Variants in DNMT3B observed in about 807,000 individuals in gnomAD.
DNMT3B encodes the protein DNA (cytosine-5)-methyltransferase 3B.
In DNMT3B, 37 loss-of-function variants were observed where a neutral mutation model predicts 120.2. The ratio of observed to expected loss-of-function variants is 0.31; its 90% CI spans 0.24 to 0.40. DNMT3B has a LOEUF of 0.40. DNMT3B is among the 10% of genes least tolerant of loss of function. The pLI, the probability that DNMT3B is intolerant of heterozygous loss-of-function variation, is 1.00. For missense variants in DNMT3B, 878 were observed against 1,137.3 expected (o/e 0.77, Z 3.28); for synonymous variants, 412 against 442.8 (o/e 0.93, Z 0.87).
chr20:32,802,552 A>G, intron 20 of DNMT3B, 82 bp downstream of exon 20: 1 of 1,382,270 alleles, frequency 7.2e-7, no homozygotes, highest in South Asian at 1.2e-5. Context: ...CCTTCCTAGA[A>G]AGACCTGGCT....
chr20:32,783,214 A>C (rs1978837769), intron 3 of DNMT3B, among the ~76,000 whole-genome samples: 1 of 152,206 alleles, frequency 6.6e-6, no homozygotes, highest in Admixed American at 6.5e-5. Flanking sequence ...AGTGTGAGCC[A>C]CCATACCTGG....
At chr20:32,776,973 C>T (rs1157903305) in intron 1 of DNMT3B, among the ~76,000 whole-genome samples, 1 of 152,130 alleles carries the variant, frequency 6.6e-6, no homozygotes, top group Admixed American at 6.5e-5. Flanking sequence ...CATCTTTAGT[C>T]ATGGGTGCAG....
In DNMT3B at chr20:32,787,353, A is replaced by G. The variant is rs764239931; in HGVS notation, c.556A>G (p.Thr186Ala). The change falls in exon 6 of 23, where the codon ACC becomes GCC. Residue 186 changes from threonine (T) to alanine (A), a missense_variant. Coordinates refer to ENST00000328111, the MANE Select transcript of DNMT3B (RefSeq NM_006892.4). ...ACATGGGACGCCCCAGAGCAGCAGT[A>G]CCCCCTACGCCCGCCTAGCCCAGGA... Reference protein sequence around the residue: ...DTHGTPQSSSTPYARLAQDSQ... With the variant: ...DTHGTPQSSSAPYARLAQDSQ... 1 of 1,614,076 alleles carries G rather than the reference A, an allele frequency of 6.2e-7. No homozygotes were observed. Among genetic ancestry groups the G allele is most frequent in the Admixed American group, 1.7e-5 (1 of 60,010 alleles).
At chr20:32,771,299 CT>C (rs2145860464) in intron 1 of DNMT3B, among the ~76,000 whole-genome samples, 1 of 152,202 alleles carries the variant, frequency 6.6e-6, no homozygotes, top group South Asian at 2.1e-4. Context: ...AGAAAATGAA[CT>C]TTTCAATAAG....
intron 1 of DNMT3B, 85 bp downstream of exon 1, chr20:32,762,784 C>G (rs1987050580): frequency 6.5e-6 from 1 of 154,574 alleles, no homozygotes; most frequent in African/African-American, 2.4e-5. Flanking sequence ...GCTCCCGAAG[C>G]TGCCGGGGAG....
rs1981306131 is a variant in DNMT3B at position 32,801,267 on chromosome 20, T to C, written c.1997-11T>C. The C allele has an allele frequency of 6.2e-7, 1 of 1,614,042 alleles. No homozygotes were observed. The highest frequency in any genetic ancestry group is 1.7e-5 in the Admixed American group (1 of 59,994). Reference sequence around the variant, plus strand: ...AAATGAACCCTGCGCTGTCATCTTTTCTGAGCACAGAGGGTACAGGCCGGC... The same window carrying C: ...AAATGAACCCTGCGCTGTCATCTTTCCTGAGCACAGAGGGTACAGGCCGGC... On this transcript the variant is annotated splice_polypyrimidine_tract_variant and intron_variant, in intron 18 of 22. Coordinates refer to ENST00000328111, the MANE Select transcript of DNMT3B (RefSeq NM_006892.4).
intron 21 of DNMT3B, 80 bp downstream of exon 21, chr20:32,805,487 A>T: frequency 2.6e-6 from 4 of 1,558,158 alleles, no homozygotes; most frequent in Non-Finnish European, 3.5e-6. Flanking sequence ...TTGGTGTTTG[A>T]TTGGTTCCTA....
At position 32,798,599 on chromosome 20, in the gene DNMT3B, G is replaced by T. The variant is rs775688885; in HGVS notation, c.1630G>T (p.Val544Leu). The T allele has an allele frequency of 6.2e-7, 1 of 1,614,086 alleles. No individual in the cohort carries two copies. The highest frequency in any genetic ancestry group is 8.5e-7 in the Non-Finnish European group (1 of 1,180,048). ...CCTGCGGCGCCGGAAGGACTGGAAC[G>T]TGCGCCTGCAGGCCTTCTTCACCAG... ...GVLRRRKDWN[V>L]RLQAFFTSDT... Residue 544 changes from valine to leucine, a missense_variant, in exon 15 of 23, where the codon GTG becomes TTG. Physicochemically the swap from Val to Leu is conservative, Grantham distance 32 (BLOSUM62 1). Transcript: ENST00000328111.
In DNMT3B at chr20:32,795,246, C is replaced by T. The variant is rs536324908; in HGVS notation, c.1127-163C>T. On this transcript the variant is annotated intron_variant, in intron 10 of 22. Coordinates refer to ENST00000328111, the MANE Select transcript of DNMT3B (RefSeq NM_006892.4). ...GGTGCAAGGGGTTTTGAATGAGCTC[C>T]TGTTGTGAGTTGCCCATCAAGGGGC... Among the ~76,000 whole-genome samples the T allele has an allele frequency of 7.2e-5, 11 of 152,312 alleles. No homozygotes were observed. In the South Asian group the frequency reaches 1.9e-3, roughly 26 times the overall value.
Position 32,786,406 on chromosome 20 carries a change from T to C in DNMT3B, c.307-96T>C, listed in dbSNP as rs1979286129. 16 of 1,576,948 alleles carry C rather than the reference T, an allele frequency of 1.0e-5. No homozygotes were observed. In the South Asian group the frequency reaches 1.3e-4, roughly 13 times the overall value. On this transcript the variant is annotated intron_variant, in intron 4 of 22. Coordinates refer to ENST00000328111, the MANE Select transcript of DNMT3B (RefSeq NM_006892.4). ...AGTTGTCCTGAAGCTGGCTACCAGG[T>C]CTCCTTGGCCACCTGAAGGCCTAAT...
intron 8 of DNMT3B, 142 bp downstream of exon 8, chr20:32,791,850 G>C: frequency 2.4e-6 from 2 of 840,402 alleles, no homozygotes; most frequent in Non-Finnish European, 3.9e-6. Context: ...AACATAACAT[G>C]ATGGCCACCG....
chr20:32,805,468 G>A, intron 21 of DNMT3B, 61 bp downstream of exon 21: 2 of 1,599,036 alleles, frequency 1.3e-6, no homozygotes, highest in Non-Finnish European at 1.7e-6. Flanking sequence ...GGGGACTTGG[G>A]AGATGACCTT....
At chr20:32,792,507 G>A in intron 8 of DNMT3B, 119 bp from the exon 9 acceptor site, 1 of 1,553,346 alleles carries the variant, frequency 6.4e-7, no homozygotes, top group East Asian at 2.3e-5. Flanking sequence ...ACAGCTGTCT[G>A]GCTATGAAAG....
chr20:32,763,980 G>A (rs1439739042), intron 1 of DNMT3B, among the ~76,000 whole-genome samples: 2 of 152,182 alleles, frequency 1.3e-5, no homozygotes, highest in Non-Finnish European at 2.9e-5. Context: ...GGGGCTTCTT[G>A]TTCACCCACC....
chr20:32,774,077 T>C (rs759799272), intron 1 of DNMT3B, among the ~76,000 whole-genome samples: 8 of 151,554 alleles, frequency 5.3e-5, no homozygotes, highest in Non-Finnish European at 8.8e-5. Flanking sequence ...CCGCCGCCAG[T>C]GTGGACAGCC....
chr20:32,763,354 G>T (rs1455410973), intron 1 of DNMT3B, among the ~76,000 whole-genome samples: 2 of 152,318 alleles, frequency 1.3e-5, no homozygotes, highest in Non-Finnish European at 2.9e-5. Context: ...CTCCTGAGCT[G>T]AGCCATCAAG....
intron 21 of DNMT3B, 101 bp downstream of exon 21, chr20:32,805,508 C>A (rs781623717): frequency 7.3e-6 from 10 of 1,372,678 alleles, no homozygotes; most frequent in Admixed American, 3.6e-5. Context: ...CTCCTCCCCC[C>A]ACGTGACTTC....
intron 16 of DNMT3B, 136 bp from the exon 17 acceptor site, chr20:32,800,017 G>A: frequency 7.6e-7 from 1 of 1,323,524 alleles, no homozygotes. Flanking sequence ...TGTGGTGCGT[G>A]TACAGCCTTT....
chr20:32,796,889 C>T lies in DNMT3B; in HGVS notation c.1377+20C>T. ...TGCCGGGTAAGTCCTCCTACTACTGCCCTGGACCTTCCTCCCCTTGCCTCC... is the reference window on the plus strand; with the variant it reads ...TGCCGGGTAAGTCCTCCTACTACTGTCCTGGACCTTCCTCCCCTTGCCTCC... On this transcript the variant is annotated intron_variant, in intron 13 of 22. Coordinates refer to ENST00000328111, the MANE Select transcript of DNMT3B (RefSeq NM_006892.4). The T allele has an allele frequency of 6.2e-7, 1 of 1,614,180 alleles. No individual in the cohort carries two copies. Among genetic ancestry groups the T allele is most frequent in the South Asian group, 1.1e-5 (1 of 91,090 alleles).
Sources: allele counts gnomAD v4.1 joint callset (sites outside exome capture counted in the v4.1 genomes callset), GRCh38; gene constraint gnomAD v4.1.1; transcripts MANE v1.5; gene names NCBI Gene and HGNC (gene_info 2026-07-23, HGNC 2026-07-21).